The following CIMIP7 variants were observed in gnomAD, a reference collection of about 807,000 sequenced individuals.
CIMIP7 encodes the protein ciliary microtubule inner protein 7.
chr3:49,189,313 G>T, the CIMIP7 span, among the ~76,000 whole-genome samples: 1 of 151,316 alleles, frequency 6.6e-6, no homozygotes, highest in Admixed American at 6.6e-5. Flanking sequence ...GTTTCACCAT[G>T]TTGGCCAGAC....
the CIMIP7 span, among the ~76,000 whole-genome samples, chr3:49,184,626 ATTTTT>A: frequency 7.5e-6 from 1 of 133,644 alleles, no homozygotes; most frequent in Non-Finnish European, 1.6e-5. Context: ...GGCCTATGTA[ATTTTT>A]TTTTTTTTTT....
At chr3:49,187,291 TG>T in the CIMIP7 span, among the ~76,000 whole-genome samples, 3 of 152,218 alleles carry the variant, frequency 2.0e-5, no homozygotes, top group Non-Finnish European at 4.4e-5. Context: ...GTAAAATCCA[TG>T]GTTTCTGAGC....
chr3:49,178,001 G>A, the CIMIP7 span: 4 of 1,612,412 alleles, frequency 2.5e-6, no homozygotes, highest in Non-Finnish European at 3.4e-6. Flanking sequence ...CGCTGCCACA[G>A]GCGCTCCAGG....
the CIMIP7 span, among the ~76,000 whole-genome samples, chr3:49,188,017 C>A: frequency 1.3e-5 from 2 of 152,206 alleles, no homozygotes; most frequent in Admixed American, 1.3e-4. Flanking sequence ...ATGTTCCAGT[C>A]TCTGGGAGGA....
chr3:49,182,275 T>C, the CIMIP7 span, among the ~76,000 whole-genome samples: 1 of 151,716 alleles, frequency 6.6e-6, no homozygotes, highest in African/African-American at 2.4e-5. Flanking sequence ...ATCCTGCTGA[T>C]TGGTAGAGCC....
At chr3:49,183,454 G>A in the CIMIP7 span, among the ~76,000 whole-genome samples, 1 of 152,212 alleles carries the variant, frequency 6.6e-6, no homozygotes, top group Non-Finnish European at 1.5e-5. Context: ...GGCTGAGGTG[G>A]GTGGATAACC....
At chr3:49,189,885 C>G in the CIMIP7 span, 1 of 774,062 alleles carries the variant, frequency 1.3e-6, no homozygotes, top group Non-Finnish European at 2.4e-6. Context: ...AAAGATCTGA[C>G]ATCTCAGAGA....
chr3:49,184,626 ATTTTTTT>A, the CIMIP7 span, among the ~76,000 whole-genome samples: 1 of 133,644 alleles, frequency 7.5e-6, no homozygotes, highest in Non-Finnish European at 1.6e-5. Flanking sequence ...GGCCTATGTA[ATTTTTTT>A]TTTTTTTTTT....
the CIMIP7 span, chr3:49,190,249 G>C: frequency 1.5e-6 from 1 of 672,026 alleles, no homozygotes; most frequent in Non-Finnish European, 2.5e-6. Context: ...AGCCCCTCAT[G>C]GAAGTTCCTG....
the CIMIP7 span, among the ~76,000 whole-genome samples, chr3:49,184,009 CTG>C: frequency 1.3e-5 from 2 of 152,176 alleles, no homozygotes; most frequent in Non-Finnish European, 2.9e-5. Context: ...ATTTATATAA[CTG>C]TTTTTGAGAC....
the CIMIP7 span, among the ~76,000 whole-genome samples, chr3:49,178,220 G>A: frequency 6.6e-6 from 1 of 152,206 alleles, no homozygotes; most frequent in Non-Finnish European, 1.5e-5. Context: ...ATTCTAAGGT[G>A]AAGCACCCAG....
the CIMIP7 span, among the ~76,000 whole-genome samples, chr3:49,191,459 T>C: frequency 1.3e-5 from 2 of 152,108 alleles, no homozygotes; most frequent in Admixed American, 6.5e-5. Flanking sequence ...CTCCAAAAGC[T>C]TGGGAGGCTC....
the CIMIP7 span, among the ~76,000 whole-genome samples, chr3:49,189,555 G>C: frequency 2.6e-5 from 4 of 152,150 alleles, no homozygotes; most frequent in Admixed American, 1.3e-4. Context: ...CTCCTTTCCA[G>C]TATTCCCTGG....
chr3:49,182,717 C>A, the CIMIP7 span, among the ~76,000 whole-genome samples: 2 of 152,154 alleles, frequency 1.3e-5, no homozygotes, highest in African/African-American at 4.8e-5. Flanking sequence ...GAGCAGGGGG[C>A]GGCGCTTGTT....
chr3:49,188,964 ATTT>A, the CIMIP7 span, among the ~76,000 whole-genome samples: 3 of 124,036 alleles, frequency 2.4e-5, no homozygotes, highest in African/African-American at 3.0e-5. Context: ...ATGCCCGGTT[ATTT>A]TTTTTTTTTT....
chr3:49,191,672 C>T, the CIMIP7 span: 10 of 1,513,022 alleles, frequency 6.6e-6, no homozygotes, highest in East Asian at 2.2e-5. Context: ...TTCACTTCAC[C>T]GGCATGACTC....
At chr3:49,182,236 C>T in the CIMIP7 span, among the ~76,000 whole-genome samples, 92,333 of 152,052 alleles carry the variant, frequency 0.61, 29,291 homozygotes, top group East Asian at 0.95. Context: ...GGGCAGCCTG[C>T]TTTTATGCTC....
At chr3:49,181,849 C>T in the CIMIP7 span, among the ~76,000 whole-genome samples, 5 of 152,324 alleles carry the variant, frequency 3.3e-5, no homozygotes, top group South Asian at 6.2e-4. Flanking sequence ...ACTGAAGCCG[C>T]GGACCCTCGC....
At chr3:49,190,001 G>A in the CIMIP7 span, 14 of 1,577,264 alleles carry the variant, frequency 8.9e-6, no homozygotes, top group East Asian at 9.0e-5. Flanking sequence ...AGTCACCCCC[G>A]CTGCCTTCAG....
Sources: gnomAD v4.1 joint callset for allele counts (sites outside exome capture counted in the v4.1 genomes callset) on GRCh38, gnomAD v4.1.1 for gene constraint, MANE v1.5 for transcripts, NCBI Gene and HGNC (gene_info 2026-07-23, HGNC 2026-07-21) for gene names.